The following SLIT3 variants were observed in gnomAD, a reference collection of about 807,000 sequenced individuals.
SLIT3 encodes the protein slit guidance ligand 3, also known as slit homolog 3 protein.
SLIT3 carries 68 observed loss-of-function variants against 184.0 expected under a neutral mutation model. The observed-to-expected ratio is 0.37, with a 90% CI of 0.30 to 0.45. SLIT3 has a LOEUF of 0.45. Ranked by LOEUF, SLIT3 falls within the 20% of genes least tolerant of loss-of-function variation. The pLI is 1.00. For synonymous variants in SLIT3, 831 were observed against 828.6 expected, an observed-to-expected ratio of 1.00 and a Z score of -0.05; for missense variants, 1,707 against 2,026.0, an observed-to-expected ratio of 0.84 and a Z score of 3.02.
intron 4 of SLIT3, among the ~76,000 whole-genome samples, chr5:168,967,466 G>A (rs371555342): frequency 1.6e-3 from 5 of 3,088 alleles, no homozygotes; most frequent in African/African-American, 3.2e-3. Flanking sequence ...TTGAGACGGA[G>A]TCTCGCTCTG....
At chr5:169,248,807 G>T (rs1189134735) in intron 2 of SLIT3, among the ~76,000 whole-genome samples, 2 of 152,022 alleles carry the variant, frequency 1.3e-5, no homozygotes, top group Admixed American at 1.3e-4. Flanking sequence ...CACCAGAAGA[G>T]ACTTTTTCCT....
At chr5:169,048,796 C>T (rs549789383) in intron 4 of SLIT3, among the ~76,000 whole-genome samples, 8 of 152,254 alleles carry the variant, frequency 5.3e-5, no homozygotes, top group Admixed American at 6.5e-5. Flanking sequence ...TCTTCTGGAA[C>T]GAATCACAGT....
chr5:168,851,608 T>C (rs1581145685), intron 5 of SLIT3, among the ~76,000 whole-genome samples: 1 of 152,180 alleles, frequency 6.6e-6, no homozygotes, highest in South Asian at 2.1e-4. Flanking sequence ...ACCTGCATCC[T>C]GTGGTCATCC....
At chr5:168,738,482 G>T (rs1763506821) in intron 20 of SLIT3, among the ~76,000 whole-genome samples, 2 of 152,190 alleles carry the variant, frequency 1.3e-5, no homozygotes, top group African/African-American at 4.8e-5. Flanking sequence ...CTAGAGAAAA[G>T]TACCTGTGTA....
At chr5:169,249,069 T>TG (rs1305346293) in intron 2 of SLIT3, among the ~76,000 whole-genome samples, 1 of 152,154 alleles carries the variant, frequency 6.6e-6, no homozygotes, top group Non-Finnish European at 1.5e-5. Flanking sequence ...TGCCAAGGTG[T>TG]GAAAAAAATC....
At chr5:168,913,602 T>C (rs1439188892) in intron 4 of SLIT3, among the ~76,000 whole-genome samples, 2 of 151,884 alleles carry the variant, frequency 1.3e-5, no homozygotes, top group African/African-American at 4.8e-5. Context: ...ACCCTGTCTC[T>C]ACAGTGGCAG....
intron 32 of SLIT3, among the ~76,000 whole-genome samples, chr5:168,682,594 T>C (rs80140357): frequency 0.013 from 1,933 of 152,330 alleles, 43 homozygotes; most frequent in African/African-American, 0.045. Flanking sequence ...ATTGGGTTTG[T>C]TGGATGATTT....
Position 169,032,920 on chromosome 5 carries a change from TGA to T in SLIT3, c.414-149586_414-149585del, listed in dbSNP as rs1259350400. Among the ~76,000 whole-genome samples the T allele has an allele frequency of 2.1e-3, 276 of 131,550 alleles. 4 individuals are homozygous for T. The highest frequency in any genetic ancestry group is 3.6e-3 in the Non-Finnish European group (215 of 59,138). The allele number at this position is 131,550 out of a possible 152,430, so 86.3% of individuals were successfully genotyped here. A position where few individuals can be genotyped will look rare whatever the true frequency, so the allele number is the denominator to read the frequency against. ...CATCTCATAAGTATCCATTTTTCCT[TGA>T]TTTTTTTTTTTTTTTTTTTTTTTTT... On this transcript the variant is annotated intron_variant, in intron 4 of 35. Coordinates refer to ENST00000519560, the MANE Select transcript of SLIT3 (RefSeq NM_003062.4).
intron 4 of SLIT3, among the ~76,000 whole-genome samples, chr5:168,990,443 C>T (rs1027495675): frequency 2.6e-5 from 4 of 152,208 alleles, no homozygotes; most frequent in African/African-American, 9.6e-5. Context: ...TGGCGGGCTT[C>T]ACCTCTCACT....
At chr5:169,002,345 A>AG (rs1755739026) in intron 4 of SLIT3, among the ~76,000 whole-genome samples, 1 of 145,326 alleles carries the variant, frequency 6.9e-6, no homozygotes, top group Non-Finnish European at 1.5e-5. Flanking sequence ...AAAAAAAAAA[A>AG]AAAAAAAAAA....
intron 4 of SLIT3, among the ~76,000 whole-genome samples, chr5:168,997,039 T>C (rs1007320988): frequency 1.3e-5 from 2 of 152,142 alleles, no homozygotes; most frequent in African/African-American, 4.8e-5. Context: ...CAAGAAATCA[T>C]GATGAAAGGG....
chr5:169,068,165 A>G (rs532194535), intron 4 of SLIT3, among the ~76,000 whole-genome samples: 1 of 152,342 alleles, frequency 6.6e-6, no homozygotes, highest in African/African-American at 2.4e-5. Flanking sequence ...TAAAAGTACA[A>G]TAAATCTGCT....
At chr5:169,082,459 C>T (rs1759106104) in intron 4 of SLIT3, among the ~76,000 whole-genome samples, 1 of 152,156 alleles carries the variant, frequency 6.6e-6, no homozygotes, top group Non-Finnish European at 1.5e-5. Context: ...ACACACAAAG[C>T]CACCTCCACC....
intron 4 of SLIT3, among the ~76,000 whole-genome samples, chr5:169,133,785 A>G (rs1228621289): frequency 6.6e-6 from 1 of 152,238 alleles, no homozygotes; most frequent in Non-Finnish European, 1.5e-5. Flanking sequence ...TATGGGAAAC[A>G]AAACTACCTG....
At chr5:168,976,899 G>A (rs1393105497) in intron 4 of SLIT3, among the ~76,000 whole-genome samples, 6 of 152,158 alleles carry the variant, frequency 3.9e-5, no homozygotes, top group Non-Finnish European at 7.3e-5. Flanking sequence ...AAAAGGACCC[G>A]TTTCCCTTCT....
chr5:168,671,461 G>A lies in SLIT3; in HGVS notation c.3864C>T (p.Leu1288=), dbSNP rs1279350402. 1.2e-6 allele frequency: 2 copies of A among 1,611,462 alleles called. No homozygotes were observed. Among genetic ancestry groups the A allele is most frequent in the Non-Finnish European group, 1.7e-6 (2 of 1,179,056 alleles). Residue 1288 remains leucine (L), a synonymous_variant, in exon 34 of 36, where the codon CTC becomes CTT. Coordinates refer to ENST00000519560, the MANE Select transcript of SLIT3 (RefSeq NM_003062.4). The stretch of plus-strand genomic sequence containing the variant: ...GGTCCGTGCCCTGGCGCAAGGCAGA[G>A]AGGCCGGTGGAGGTGGGGATGCCTG... ...YLGGIPTSTG[L]SALRQGTDRP... is the part of the protein sequence containing the mutation.
intron 1 of SLIT3, among the ~76,000 whole-genome samples, chr5:169,276,722 A>T (rs572325037): frequency 1.1e-3 from 173 of 152,366 alleles, no homozygotes; most frequent in Non-Finnish European, 2.1e-3. Context: ...AACTACAAAT[A>T]GAATGATTAT....
intron 33 of SLIT3, among the ~76,000 whole-genome samples, chr5:168,672,751 G>T (rs1761292206): frequency 6.6e-6 from 1 of 152,178 alleles, no homozygotes; most frequent in African/African-American, 2.4e-5. Context: ...TGGGATTACA[G>T]GTGTGAGCCA....
chr5:169,214,420 C>T (rs936532808), intron 3 of SLIT3, among the ~76,000 whole-genome samples: 1 of 152,128 alleles, frequency 6.6e-6, no homozygotes, highest in East Asian at 1.9e-4. Context: ...CAGAGGAAAA[C>T]CCAGGAACCG....
Sources: allele counts gnomAD v4.1 joint callset (sites outside exome capture counted in the v4.1 genomes callset), GRCh38; gene constraint gnomAD v4.1.1; transcripts MANE v1.5; gene names NCBI Gene and HGNC (gene_info 2026-07-23, HGNC 2026-07-21).